The following JAZF1 variants were observed in gnomAD, a reference collection of about 807,000 sequenced individuals.
The protein encoded by JAZF1 is JAZF zinc finger 1, also known as juxtaposed with another zinc finger protein 1.
JAZF1 carries 8 observed loss-of-function variants against 26.4 expected under a neutral mutation model. The observed-to-expected ratio is 0.30, with a 90% CI of 0.18 to 0.55. The LOEUF (loss-of-function observed/expected upper bound fraction) is 0.55, where lower values mean the gene tolerates loss of function less well. JAZF1 is among the 20% of genes least tolerant of loss of function. The pLI is 0.94. For missense variants in JAZF1, 199 were observed against 322.0 expected (o/e 0.62, Z 2.92); for synonymous variants, 126 against 122.3 (o/e 1.03, Z -0.20).
chr7:27,956,169 C>CT (rs1785087954), intron 2 of JAZF1, among the ~76,000 whole-genome samples: 2 of 152,092 alleles, frequency 1.3e-5, no homozygotes, highest in Admixed American at 1.3e-4. Flanking sequence ...AAATCAGAAC[C>CT]TTTATTTGGC....
intron 1 of JAZF1, among the ~76,000 whole-genome samples, chr7:28,119,808 C>T (rs1339467937): frequency 2.0e-5 from 3 of 152,210 alleles, no homozygotes; most frequent in African/African-American, 7.2e-5. Flanking sequence ...TATCAATTAA[C>T]TGATAAAAAC....
intron 2 of JAZF1, among the ~76,000 whole-genome samples, chr7:27,990,227 T>C (rs1409948519): frequency 6.6e-6 from 1 of 152,120 alleles, no homozygotes; most frequent in Non-Finnish European, 1.5e-5. Flanking sequence ...AGGTGGGAAT[T>C]GAACAATGAG....
In JAZF1 at chr7:28,154,829, GA is replaced by G. The variant is rs200664346; in HGVS notation, c.115+25633del. On this transcript the variant is annotated intron_variant, in intron 1 of 4. Coordinates refer to ENST00000283928, the MANE Select transcript of JAZF1 (RefSeq NM_175061.4). The stretch of plus-strand genomic sequence containing the variant: ...CTACTAAGATGATGCCTACAATATT[GA>G]AAAAAAAAGGGGGCTCTCAATGATA... Among the ~76,000 whole-genome samples the G allele has an allele frequency of 3.9e-3, 571 of 145,496 alleles. 1 individual carries two copies. Among genetic ancestry groups the G allele is most frequent in the Middle Eastern group, 0.01 (3 of 286 alleles).
chr7:28,132,500 G>C (rs1188815341), intron 1 of JAZF1, among the ~76,000 whole-genome samples: 1 of 152,144 alleles, frequency 6.6e-6, no homozygotes, highest in Non-Finnish European at 1.5e-5. Context: ...TCTTAAGGGT[G>C]GTAAGGAGAG....
At chr7:27,886,277 A>T (rs1783861114) in intron 3 of JAZF1, among the ~76,000 whole-genome samples, 1 of 152,186 alleles carries the variant, frequency 6.6e-6, no homozygotes, top group African/African-American at 2.4e-5. Flanking sequence ...AGAACCAAGA[A>T]TTGGATCGAG....
intron 2 of JAZF1, among the ~76,000 whole-genome samples, chr7:27,966,866 C>G (rs1450411910): frequency 6.6e-6 from 1 of 152,130 alleles, no homozygotes; most frequent in Non-Finnish European, 1.5e-5. Context: ...GCAGTATAAG[C>G]AACAAAGATG....
At chr7:27,992,666 T>C (rs1343561914) in intron 1 of JAZF1, among the ~76,000 whole-genome samples, 2 of 152,174 alleles carry the variant, frequency 1.3e-5, no homozygotes, top group Non-Finnish European at 2.9e-5. Flanking sequence ...TAGCCAGAAA[T>C]GTATTCTCAA....
At chr7:27,962,512 G>A (rs1562541791) in intron 2 of JAZF1, among the ~76,000 whole-genome samples, 1 of 152,234 alleles carries the variant, frequency 6.6e-6, no homozygotes, top group East Asian at 1.9e-4. Context: ...GCTAATCCTG[G>A]AATCTCTGAG....
intron 3 of JAZF1, among the ~76,000 whole-genome samples, chr7:27,860,376 T>C (rs538313420): frequency 6.6e-6 from 1 of 152,230 alleles, no homozygotes; most frequent in Non-Finnish European, 1.5e-5. Context: ...TTCATTAGTA[T>C]TCAATGTTGC....
chr7:27,891,585 G>C (rs569216074), intron 3 of JAZF1, among the ~76,000 whole-genome samples: 1 of 152,282 alleles, frequency 6.6e-6, no homozygotes, highest in African/African-American at 2.4e-5. Context: ...ACAGAGTTTT[G>C]GGAGGCAGAG....
chr7:28,008,415 A>C (rs903968271), intron 1 of JAZF1, among the ~76,000 whole-genome samples: 11 of 152,092 alleles, frequency 7.2e-5, no homozygotes, highest in Admixed American at 7.2e-4. Context: ...TTGGCCTCCC[A>C]AAGTTCTGGG....
chr7:27,968,002 A>G (rs1217334918), intron 2 of JAZF1, among the ~76,000 whole-genome samples: 1 of 152,254 alleles, frequency 6.6e-6, no homozygotes, highest in East Asian at 1.9e-4. Context: ...CTACGTGCAC[A>G]AAAAGACTGG....
chr7:27,940,685 C>A (rs942315742), intron 2 of JAZF1, among the ~76,000 whole-genome samples: 1 of 152,132 alleles, frequency 6.6e-6, no homozygotes, highest in African/African-American at 2.4e-5. Context: ...GGTCTTGGGT[C>A]TCCGATCAGA....
intron 1 of JAZF1, among the ~76,000 whole-genome samples, chr7:28,029,159 C>T (rs180901045): frequency 2.0e-5 from 3 of 152,130 alleles, no homozygotes; most frequent in East Asian, 1.9e-4. Flanking sequence ...AGGATGGCCC[C>T]GGGGAGGAAT....
At chr7:27,967,224 C>A (rs1046805362) in intron 2 of JAZF1, among the ~76,000 whole-genome samples, 1 of 152,154 alleles carries the variant, frequency 6.6e-6, no homozygotes, top group East Asian at 1.9e-4. Context: ...GTCAAAGCCA[C>A]TGGCAGACCC....
At chr7:27,967,442 C>T (rs1204699533) in intron 2 of JAZF1, among the ~76,000 whole-genome samples, 1 of 151,926 alleles carries the variant, frequency 6.6e-6, no homozygotes, top group Admixed American at 6.6e-5. Flanking sequence ...GGGAGGGACC[C>T]GAGAGACTAA....
At position 27,840,657 on chromosome 7, in the gene JAZF1, G is replaced by A. The variant is rs1782905701; in HGVS notation, c.555+41C>T. The A allele has an allele frequency of 6.2e-7, 1 of 1,602,332 alleles. No individual in the cohort carries two copies. The highest frequency in any genetic ancestry group is 1.3e-5 in the African/African-American group (1 of 74,722). On this transcript the variant is annotated intron_variant, in intron 4 of 4. Transcript: ENST00000283928. The surrounding 1 kb of genome is among the most constrained non-coding windows in gnomAD (Gnocchi z 5.1). ...TGCTGCCTTCCATGAAGCTTGCCCT[G>A]TTTCCATGTGGTTATGCCAAGCATG... is the stretch of plus-strand genomic sequence containing the variant.
At chr7:28,084,553 TACTGGCTATTAA>T (rs1285051818) in intron 1 of JAZF1, among the ~76,000 whole-genome samples, 6 of 152,180 alleles carry the variant, frequency 3.9e-5, no homozygotes, top group African/African-American at 1.4e-4. Flanking sequence ...CTTGTAGAAG[TACTGGCTATTAA>T]AAAGTGTATG....
intron 1 of JAZF1, among the ~76,000 whole-genome samples, chr7:28,104,633 T>C (rs79603635): frequency 0.022 from 3,393 of 152,302 alleles, 111 homozygotes; most frequent in African/African-American, 0.072. Context: ...ATGCTTGACC[T>C]GTGATTCTCC....
Sources: allele counts gnomAD v4.1 joint callset (sites outside exome capture counted in the v4.1 genomes callset), GRCh38; gene constraint gnomAD v4.1.1; non-coding constraint Gnocchi (gnomAD v3.1); transcripts MANE v1.5; gene names NCBI Gene and HGNC (gene_info 2026-07-23, HGNC 2026-07-21).